Variants in STARD13 observed in about 807,000 individuals in gnomAD.
The protein encoded by STARD13 is stAR-related lipid transfer protein 13.
In STARD13, 62 loss-of-function variants were observed where a neutral mutation model predicts 106.4. The ratio of observed to expected loss-of-function variants is 0.58; its 90% CI spans 0.48 to 0.72. STARD13 has a LOEUF of 0.72. Ranked by LOEUF, STARD13 falls within the 30% of genes least tolerant of loss-of-function variation. The probability of loss-of-function intolerance (pLI) is 0.00; values close to 1 mark genes in which losing one functional copy is unlikely to be tolerated. For synonymous variants in STARD13, 565 were observed against 553.0 expected (o/e 1.02, Z -0.31); for missense variants, 1,387 against 1,424.0 (o/e 0.97, Z 0.42).
At chr13:33,357,609 T>C in the STARD13 span, among the ~76,000 whole-genome samples, 1 of 152,204 alleles carries the variant, frequency 6.6e-6, no homozygotes, top group Non-Finnish European at 1.5e-5. Flanking sequence ...AAAAGTTATA[T>C]GATTTGATCA....
In STARD13 at chr13:33,130,156, C is replaced by A. The variant is rs759249174; in HGVS notation, c.521G>T (p.Gly174Val). 2 of 1,614,112 alleles carry A rather than the reference C, an allele frequency of 1.2e-6. No individual in the cohort carries two copies. Among genetic ancestry groups the A allele is most frequent in the South Asian group, 1.1e-5 (1 of 91,070 alleles). ...PRGDRNGSPGGTGMRNTTSSE... is the reference protein window; with the variant it reads ...PRGDRNGSPGVTGMRNTTSSE... ...GCTGGTCGTGTTCCTCATCCCCGTG[C>A]CTCCCGGTGACCCATTTCTGTCTCC... Residue 174 changes from glycine to valine, a missense_variant, in exon 5 of 14, where the codon GGC (glycine) becomes GTC (valine). Coordinates refer to ENST00000336934, the MANE Select transcript of STARD13 (RefSeq NM_178006.4). The surrounding 1 kb of genome is among the most constrained non-coding windows in gnomAD (Gnocchi z 4.1).
chr13:33,226,212 T>TA (rs1888616697), intron 1 of STARD13, among the ~76,000 whole-genome samples: 2 of 152,388 alleles, frequency 1.3e-5, no homozygotes, highest in East Asian at 1.9e-4. Context: ...GGCATTTTGT[T>TA]ACGGCAGCCT....
chr13:33,383,630 A>G, the STARD13 span: 1 of 151,578 alleles, frequency 6.6e-6, no homozygotes, highest in Non-Finnish European at 1.5e-5. Flanking sequence ...GGTGGCATGC[A>G]CCTGTAATCC....
the STARD13 span, among the ~76,000 whole-genome samples, chr13:33,468,655 C>T: frequency 6.6e-6 from 1 of 151,996 alleles, no homozygotes; most frequent in African/African-American, 2.4e-5. Flanking sequence ...AGACTCTCAC[C>T]AGATGCTAAT....
the STARD13 span, among the ~76,000 whole-genome samples, chr13:33,637,422 A>C: frequency 1.2e-3 from 180 of 152,324 alleles, no homozygotes; most frequent in African/African-American, 4.2e-3. Context: ...CTTCTGGCCT[A>C]GGGGGTAAAT....
chr13:33,400,684 T>C, the STARD13 span, among the ~76,000 whole-genome samples: 8 of 152,078 alleles, frequency 5.3e-5, no homozygotes, highest in South Asian at 2.1e-4. Flanking sequence ...AGGATGGTCT[T>C]GATCTCCTGA....
Position 33,103,817 on chromosome 13 carries a change from T to C in STARD13, c.*1776A>G, listed in dbSNP as rs1425477906. 1 of 152,218 alleles carries C rather than the reference T, an allele frequency of 6.6e-6. No homozygotes were observed. Among genetic ancestry groups the C allele is most frequent in the African/African-American group, 2.4e-5 (1 of 41,454 alleles). The allele number at this position is 152,218 out of a possible 1,614,324, so 9.4% of individuals were successfully genotyped here. On this transcript the variant is annotated 3_prime_UTR_variant, in exon 14 of 14. Coordinates refer to ENST00000336934, the MANE Select transcript of STARD13 (RefSeq NM_178006.4). ...GATCTTGTTGATGCATATAAAGTAA[T>C]CTGGCATATATGGTTAAATTCAAGA...
chr13:33,255,623 G>C (rs1890325294), intron 1 of STARD13, among the ~76,000 whole-genome samples: 1 of 152,110 alleles, frequency 6.6e-6, no homozygotes, highest in African/African-American at 2.4e-5. Context: ...GAGGCTGCTA[G>C]AGACAGAAAA....
chr13:33,148,694 T>C (rs1880868855), intron 3 of STARD13, among the ~76,000 whole-genome samples: 1 of 152,222 alleles, frequency 6.6e-6, no homozygotes, highest in African/African-American at 2.4e-5. Flanking sequence ...ACTTTTATCA[T>C]ATACTCGAGA....
chr13:33,314,579 T>C (rs1893259619), intron 1 of STARD13, among the ~76,000 whole-genome samples: 1 of 152,216 alleles, frequency 6.6e-6, no homozygotes, highest in Admixed American at 6.5e-5. Flanking sequence ...TTTTTATGCA[T>C]ATAGCAGACA....
chr13:33,243,689 C>CA (rs1245543066), intron 1 of STARD13, among the ~76,000 whole-genome samples: 2 of 151,990 alleles, frequency 1.3e-5, no homozygotes, highest in Non-Finnish European at 2.9e-5. Context: ...GATGGGTGGG[C>CA]AAAAACAGGG....
chr13:33,110,618 C>T, intron 11 of STARD13, 68 bp downstream of exon 11: 2 of 1,401,928 alleles, frequency 1.4e-6, no homozygotes, highest in East Asian at 2.3e-5. Context: ...GTTTTCAATG[C>T]AAAAACAAAT....
At chr13:33,165,687 A>G (rs1222524413) in intron 2 of STARD13, among the ~76,000 whole-genome samples, 4 of 152,204 alleles carry the variant, frequency 2.6e-5, no homozygotes, top group Admixed American at 1.3e-4. Context: ...GCTCATCCTT[A>G]TTACAGTCTT....
At chr13:33,289,777 C>T (rs539974085), upstream of STARD13, among the ~76,000 whole-genome samples, 1 of 152,144 alleles carries the variant, frequency 6.6e-6, no homozygotes, top group South Asian at 2.1e-4. Context: ...GATCCCAGAG[C>T]CCTTAGTCAA....
At chr13:33,416,819 T>C in the STARD13 span, among the ~76,000 whole-genome samples, 1 of 152,108 alleles carries the variant, frequency 6.6e-6, no homozygotes, top group Non-Finnish European at 1.5e-5. Context: ...CTAAAAAATA[T>C]AAGCAACAAG....
At chr13:33,264,777 T>G (rs73458270) in intron 1 of STARD13, among the ~76,000 whole-genome samples, 7,624 of 152,232 alleles carry the variant, frequency 0.05, 256 homozygotes, top group African/African-American at 0.087. Flanking sequence ...GGCAGTGGCC[T>G]CTAGTTCTTG....
At position 33,163,611 on chromosome 13, in the gene STARD13, T is replaced by TATATAAAACATATATATATAAC. The variant is rs1566038493; in HGVS notation, c.323+1725_323+1726insGTTATATATATATGTTTTATAT. Among the ~76,000 whole-genome samples, 177 of 85,014 alleles carry TATATAAAACATATATATATAAC rather than the reference T, an allele frequency of 2.1e-3. 3 individuals are homozygous for TATATAAAACATATATATATAAC. The highest frequency in any genetic ancestry group is 7.8e-3 in the South Asian group (15 of 1,920). The allele number at this position is 85,014 out of a possible 152,430, so 55.8% of individuals were successfully genotyped here. ...TCTCAAAAAAAAAAAAAAAAATATATATATATATATATAAAACATATATAT... is the reference window on the plus strand; with the variant it reads ...TCTCAAAAAAAAAAAAAAAAATATATATATAAAACATATATATATAACATATATATATATAAAACATATATAT... On this transcript the variant is annotated intron_variant, in intron 3 of 13. Coordinates refer to ENST00000336934, the MANE Select transcript of STARD13 (RefSeq NM_178006.4).
At chr13:33,125,782 G>C (rs1877067811) in intron 7 of STARD13, among the ~76,000 whole-genome samples, 2 of 152,180 alleles carry the variant, frequency 1.3e-5, no homozygotes, top group South Asian at 4.1e-4. Flanking sequence ...ATGCAGTACA[G>C]TACATAGCTT....
the STARD13 span, among the ~76,000 whole-genome samples, chr13:33,626,613 G>A: frequency 1.3e-4 from 20 of 152,222 alleles, no homozygotes; most frequent in African/African-American, 3.9e-4. Context: ...ATTTTAGAAA[G>A]TGTAGGAAAG....
Sources: gnomAD v4.1 joint callset for allele counts (sites outside exome capture counted in the v4.1 genomes callset) on GRCh38, gnomAD v4.1.1 for gene constraint, Gnocchi (gnomAD v3.1) non-coding constraint, MANE v1.5 for transcripts, NCBI Gene and HGNC (gene_info 2026-07-23, HGNC 2026-07-21) for gene names.